The following LIMD1 variants were observed in gnomAD, a reference collection of about 807,000 sequenced individuals.
The protein encoded by LIMD1 is LIM domain-containing protein 1.
LIMD1 carries 23 observed loss-of-function variants against 58.4 expected under a neutral mutation model. The observed-to-expected ratio is 0.39, with a 90% CI of 0.28 to 0.56. The LOEUF (loss-of-function observed/expected upper bound fraction) is 0.56, where lower values mean the gene tolerates loss of function less well. LIMD1 is among the 20% of genes least tolerant of loss of function. The pLI, the probability that LIMD1 is intolerant of heterozygous loss-of-function variation, is 0.57. For missense variants in LIMD1, 838 were observed against 855.5 expected, an observed-to-expected ratio of 0.98 and a Z score of 0.25; for synonymous variants, 334 against 345.5, an observed-to-expected ratio of 0.97 and a Z score of 0.37.
At chr3:45,674,543 A>G in intron 7 of LIMD1, 132 bp downstream of exon 7, 1 of 669,938 alleles carries the variant, frequency 1.5e-6, no homozygotes, top group Non-Finnish European at 2.7e-6. Context: ...TCTGTAGGAA[A>G]TGGAATGAAG....
At chr3:45,642,058 A>T (rs1484384405) in intron 2 of LIMD1, among the ~76,000 whole-genome samples, 1 of 152,256 alleles carries the variant, frequency 6.6e-6, no homozygotes, top group Non-Finnish European at 1.5e-5. Flanking sequence ...ACCTTTGCAT[A>T]CATGGCTATG....
chr3:45,676,375 T>C (rs756091330), intron 7 of LIMD1, among the ~76,000 whole-genome samples: 1 of 151,998 alleles, frequency 6.6e-6, no homozygotes, highest in Non-Finnish European at 1.5e-5. Flanking sequence ...GTGTGAAGAT[T>C]TATTACATAG....
chr3:45,604,862 T>A (rs1043049596), intron 1 of LIMD1, among the ~76,000 whole-genome samples: 22 of 152,236 alleles, frequency 1.4e-4, no homozygotes, highest in Non-Finnish European at 5.9e-5. Context: ...TGTTCTTTTG[T>A]GACCAGGAAA....
chr3:45,632,567 A>C, intron 1 of LIMD1: 1 of 984,728 alleles, frequency 1.0e-6, no homozygotes. Flanking sequence ...GTAAGGAAGA[A>C]AGAGGAAAGG....
intron 1 of LIMD1, among the ~76,000 whole-genome samples, chr3:45,616,209 C>G (rs769199873): frequency 3.2e-4 from 48 of 152,032 alleles, no homozygotes; most frequent in Non-Finnish European, 6.2e-4. Flanking sequence ...GAGAACTGGG[C>G]CCCCTTCCTC....
chr3:45,669,384 G>C (rs965040988), intron 4 of LIMD1, among the ~76,000 whole-genome samples: 4 of 152,156 alleles, frequency 2.6e-5, no homozygotes, highest in Non-Finnish European at 5.9e-5. Flanking sequence ...TTTCATTCTA[G>C]AGAAGATAAT....
chr3:45,621,239 C>A (rs1701626033), intron 1 of LIMD1, among the ~76,000 whole-genome samples: 1 of 151,836 alleles, frequency 6.6e-6, no homozygotes, highest in Non-Finnish European at 1.5e-5. Context: ...TTCCTTTTCC[C>A]TTTTCTTTCC....
intron 1 of LIMD1, among the ~76,000 whole-genome samples, chr3:45,616,005 G>A (rs1030101006): frequency 6.6e-6 from 1 of 152,148 alleles, no homozygotes; most frequent in Non-Finnish European, 1.5e-5. Flanking sequence ...GCCTTCAGGG[G>A]CCTCTAGGGA....
At chr3:45,601,383 C>T (rs1305364162) in intron 1 of LIMD1, among the ~76,000 whole-genome samples, 3 of 152,166 alleles carry the variant, frequency 2.0e-5, no homozygotes, top group East Asian at 1.9e-4. Context: ...TGACTTTGGG[C>T]GAGGCAGCTC....
intron 1 of LIMD1, among the ~76,000 whole-genome samples, chr3:45,600,897 C>G (rs913056745): frequency 1.3e-5 from 2 of 152,078 alleles, no homozygotes; most frequent in African/African-American, 4.8e-5. Flanking sequence ...GACCCCATCT[C>G]TACAAAAAAC....
chr3:45,596,303 G>C lies in LIMD1; in HGVS notation c.1408+16G>C. On this transcript the variant is annotated intron_variant, in intron 1 of 7. Coordinates refer to ENST00000273317, the MANE Select transcript of LIMD1 (RefSeq NM_014240.3). ...GATTACTTTGGTGAGTGAGAGGCTG[G>C]TGGAGTTGCCTATGGTGGGGCGATG... 1 of 1,571,166 alleles carries C rather than the reference G, an allele frequency of 6.4e-7. No homozygotes were observed. Among genetic ancestry groups the C allele is most frequent in the Non-Finnish European group, 8.6e-7 (1 of 1,156,272 alleles).
At chr3:45,641,258 A>G (rs1030770111) in intron 2 of LIMD1, among the ~76,000 whole-genome samples, 3 of 152,096 alleles carry the variant, frequency 2.0e-5, no homozygotes, top group Non-Finnish European at 2.9e-5. Flanking sequence ...TCTTGAATCT[A>G]TGCTCACCTG....
intron 2 of LIMD1, among the ~76,000 whole-genome samples, chr3:45,652,819 A>G (rs1337586160): frequency 6.6e-6 from 1 of 152,228 alleles, no homozygotes; most frequent in East Asian, 1.9e-4. Context: ...GACCCTCTGC[A>G]CATCTCTGGG....
chr3:45,605,327 A>T (rs558242123), intron 1 of LIMD1, among the ~76,000 whole-genome samples: 1 of 152,376 alleles, frequency 6.6e-6, no homozygotes, highest in East Asian at 1.9e-4. Context: ...ACCTTTACGG[A>T]ATTAAAAAAC....
intron 1 of LIMD1, among the ~76,000 whole-genome samples, chr3:45,626,146 A>G (rs528811500): frequency 2.1e-4 from 32 of 152,224 alleles, no homozygotes; most frequent in Non-Finnish European, 4.3e-4. Flanking sequence ...TGATTTTTAA[A>G]AGAATCTTGT....
rs1697793228 is a variant in LIMD1 at position 45,684,992 on chromosome 3, T to A, written c.*7933T>A. ...GACTCCTGTACCCTATCTGCCTAAA[T>A]TTTTTTTAACTACTATATTAAAAGG... On this transcript the variant is annotated 3_prime_UTR_variant, in exon 8 of 8. Transcript: ENST00000273317. The A allele has an allele frequency of 1.3e-5, 2 of 152,134 alleles. No homozygotes were observed. Among genetic ancestry groups the A allele is most frequent in the East Asian group, 1.9e-4 (1 of 5,170 alleles). The allele number at this position is 152,134 out of a possible 1,614,324, so 9.4% of individuals were successfully genotyped here. A position where few individuals can be genotyped will look rare whatever the true frequency, so the allele number is the denominator to read the frequency against.
At position 45,595,071 on chromosome 3, in the gene LIMD1, C is replaced by T. The variant is rs771847843; in HGVS notation, c.192C>T (p.Leu64=). 6.2e-6 allele frequency: 10 copies of T among 1,613,600 alleles called. No homozygotes were observed. The highest frequency in any genetic ancestry group is 6.8e-6 in the Non-Finnish European group (8 of 1,179,966). The change falls in exon 1 of 8, where the codon CTC becomes CTT. Residue 64 remains leucine (L), a synonymous_variant. Transcript: ENST00000273317. The stretch of plus-strand genomic sequence containing the variant: ...ACCTCCAGCAGCAGCAGCAGCAGCT[C>T]CTGCAGGAGGAGACTCTGCCCAGGG... ...KIHLQQQQQQ[L]LQEETLPRGS...
At chr3:45,671,836 A>G (rs1420112401) in intron 4 of LIMD1, among the ~76,000 whole-genome samples, 1 of 152,172 alleles carries the variant, frequency 6.6e-6, no homozygotes, top group Non-Finnish European at 1.5e-5. Context: ...TAGGAATGAT[A>G]TTTTATCTCA....
rs543840602 is a variant in LIMD1 at position 45,659,603 on chromosome 3, T to C, written c.1511-6047T>C. Among the ~76,000 whole-genome samples, 38 of 139,970 alleles carry C rather than the reference T, an allele frequency of 2.7e-4. 1 individual carries two copies. In the South Asian group the frequency reaches 7.6e-3, roughly 28 times the overall value. The allele number at this position is 139,970 out of a possible 152,430, so 91.8% of individuals were successfully genotyped here. A position where few individuals can be genotyped will look rare whatever the true frequency, so the allele number is the denominator to read the frequency against. ...CAAAAAAACCCCAAACATATATATA[T>C]GCTATCCCCAAACATATATATATGC... On this transcript the variant is annotated intron_variant, in intron 2 of 7. Coordinates refer to ENST00000273317, the MANE Select transcript of LIMD1 (RefSeq NM_014240.3).
Sources: allele counts gnomAD v4.1 joint callset (sites outside exome capture counted in the v4.1 genomes callset), GRCh38; gene constraint gnomAD v4.1.1; transcripts MANE v1.5; gene names NCBI Gene and HGNC (gene_info 2026-07-23, HGNC 2026-07-21).